Variants in COIL observed in about 807,000 individuals in gnomAD.
COIL encodes the protein coilin p80.
COIL carries 28 observed loss-of-function variants against 51.6 expected under a neutral mutation model. That is an observed-to-expected ratio of 0.54 (90% CI 0.40 to 0.74). COIL has a LOEUF of 0.74. Among genes scored for constraint, COIL ranks in the 30% least tolerant of loss-of-function variants. The pLI is 0.00. For synonymous variants in COIL, 233 were observed against 255.8 expected, an observed-to-expected ratio of 0.91 and a Z score of 0.85; for missense variants, 667 against 685.9, an observed-to-expected ratio of 0.97 and a Z score of 0.31.
chr17:56,959,478 C>T (rs1337270291), intron 1 of COIL, among the ~76,000 whole-genome samples: 1 of 152,218 alleles, frequency 6.6e-6, no homozygotes, highest in East Asian at 1.9e-4. Context: ...CTCCTGGATA[C>T]TCATCTCATT....
chr17:56,942,697 G>A (rs1294823231), intron 5 of COIL, among the ~76,000 whole-genome samples: 1 of 152,090 alleles, frequency 6.6e-6, no homozygotes, highest in Non-Finnish European at 1.5e-5. Flanking sequence ...TGTATTTTTA[G>A]TTGAGACAGG....
intron 4 of COIL, among the ~76,000 whole-genome samples, chr17:56,946,991 A>G (rs910761852): frequency 2.0e-5 from 3 of 152,208 alleles, no homozygotes; most frequent in Admixed American, 6.5e-5. Context: ...AGGAGAAACC[A>G]GAAGGCACTT....
At chr17:56,943,799 A>T (rs1468292) in intron 5 of COIL, among the ~76,000 whole-genome samples, 23,923 of 152,214 alleles carry the variant, frequency 0.16, 2,718 homozygotes, top group African/African-American at 0.31. Flanking sequence ...TAACTGAAAT[A>T]TATGTATATC....
At chr17:56,943,834 G>A (rs1199843991) in intron 5 of COIL, among the ~76,000 whole-genome samples, 1 of 152,110 alleles carries the variant, frequency 6.6e-6, no homozygotes, top group East Asian at 1.9e-4. Flanking sequence ...AAGGACAAGT[G>A]ACATTGCTAT....
chr17:56,958,180 T>C (rs528827232), intron 1 of COIL, among the ~76,000 whole-genome samples: 3 of 152,360 alleles, frequency 2.0e-5, no homozygotes, highest in East Asian at 1.9e-4. Flanking sequence ...TTTTGTTCCA[T>C]GCTGATCTCC....
chr17:56,956,278 GC>G (rs1262458538), intron 1 of COIL, among the ~76,000 whole-genome samples: 5 of 152,310 alleles, frequency 3.3e-5, no homozygotes, highest in South Asian at 4.1e-4. Flanking sequence ...TTGCTCTGCT[GC>G]CCAGTCTGGA....
chr17:56,952,919 G>A (rs530959785), intron 1 of COIL, among the ~76,000 whole-genome samples: 1 of 152,158 alleles, frequency 6.6e-6, no homozygotes, highest in Non-Finnish European at 1.5e-5. Flanking sequence ...ATCCTAGTAT[G>A]TGCAGTCTGA....
intron 1 of COIL, among the ~76,000 whole-genome samples, chr17:56,959,782 C>G (rs1230436289): frequency 6.6e-6 from 1 of 152,260 alleles, no homozygotes; most frequent in Non-Finnish European, 1.5e-5. Flanking sequence ...GGGCACGCAA[C>G]AGAGTCGCAC....
intron 6 of COIL, 146 bp downstream of exon 6, chr17:56,941,889 C>A: frequency 3.1e-6 from 2 of 641,990 alleles, no homozygotes; most frequent in South Asian, 1.9e-5. Flanking sequence ...GCCAAGATGG[C>A]GCCCTGATTT....
intron 1 of COIL, among the ~76,000 whole-genome samples, chr17:56,955,409 A>G (rs527969865): frequency 2.0e-5 from 3 of 152,154 alleles, no homozygotes; most frequent in Non-Finnish European, 4.4e-5. Context: ...ACTGAGTGGT[A>G]TTATCAAAAT....
At chr17:56,953,288 G>A (rs1269779338) in intron 1 of COIL, among the ~76,000 whole-genome samples, 2 of 151,804 alleles carry the variant, frequency 1.3e-5, no homozygotes, top group Non-Finnish European at 1.5e-5. Flanking sequence ...GCGGGCGCCT[G>A]TAGTCCCAGC....
At chr17:56,953,226 A>ATG in intron 1 of COIL, among the ~76,000 whole-genome samples, 2 of 152,036 alleles carry the variant, frequency 1.3e-5, no homozygotes, top group African/African-American at 4.8e-5. Flanking sequence ...CCTGGCTAAC[A>ATG]CAGTGAAACC....
intron 5 of COIL, among the ~76,000 whole-genome samples, chr17:56,944,974 G>A (rs750586181): frequency 6.6e-6 from 1 of 150,880 alleles, no homozygotes; most frequent in African/African-American, 2.4e-5. Context: ...CCAAGATAGC[G>A]CCACTGCACT....
intron 5 of COIL, 105 bp downstream of exon 5, chr17:56,946,337 A>G: frequency 2.9e-6 from 2 of 699,422 alleles, no homozygotes; most frequent in Non-Finnish European, 4.8e-6. Flanking sequence ...GGGGAGCGCC[A>G]GTTATATGGA....
intron 1 of COIL, among the ~76,000 whole-genome samples, chr17:56,959,953 C>T (rs1329193339): frequency 1.3e-5 from 2 of 152,252 alleles, no homozygotes; most frequent in Admixed American, 6.5e-5. Context: ...CGGAGGCTCA[C>T]GCCTGTAATC....
chr17:56,955,465 TA>T (rs1370407215), intron 1 of COIL, among the ~76,000 whole-genome samples: 2 of 152,222 alleles, frequency 1.3e-5, no homozygotes, highest in Non-Finnish European at 2.9e-5. Context: ...AGGATTCTGT[TA>T]TGCAGAAACA....
chr17:56,943,357 AT>A (rs1345991322), intron 5 of COIL, among the ~76,000 whole-genome samples: 1 of 152,186 alleles, frequency 6.6e-6, no homozygotes, highest in African/African-American at 2.4e-5. Context: ...ATTTATGTCA[AT>A]AAGTTCACCT....
At chr17:56,947,794 C>T (rs1209069331) in intron 4 of COIL, among the ~76,000 whole-genome samples, 1 of 152,080 alleles carries the variant, frequency 6.6e-6, no homozygotes, top group Non-Finnish European at 1.5e-5. Flanking sequence ...TTTTAAAAAT[C>T]AGTATCATCT....
rs187233782 is a variant in COIL at position 56,949,762 on chromosome 17, T to A, written c.1359A>T (p.Pro453=). 3 of 1,614,152 alleles carry A rather than the reference T, an allele frequency of 1.9e-6. No individual in the cohort carries two copies. Among genetic ancestry groups the A allele is most frequent in the Non-Finnish European group, 8.5e-7 (1 of 1,179,952 alleles). ...TATAGTCCTTCTTGGGTGTCTCTAC[T>A]GGATTCTGAAAAACAGTGTTAGTCA... ...VKNSSTIIQN[P]VETPKKDYSL... Residue 453 remains proline, a synonymous_variant, in exon 3 of 7, where the codon CCA becomes CCT. Coordinates refer to ENST00000240316, the MANE Select transcript of COIL (RefSeq NM_004645.3).
Sources: gnomAD v4.1 joint callset for allele counts (sites outside exome capture counted in the v4.1 genomes callset) on GRCh38, gnomAD v4.1.1 for gene constraint, MANE v1.5 for transcripts, NCBI Gene and HGNC (gene_info 2026-07-23, HGNC 2026-07-21) for gene names.